Variants in PARD3B observed in about 807,000 individuals in gnomAD.
The protein encoded by PARD3B is partitioning defective 3 homolog B.
In PARD3B, 103 loss-of-function variants were observed where a neutral mutation model predicts 130.2. The observed-to-expected ratio is 0.79, with a 90% confidence interval of 0.67 to 0.93. The LOEUF is 0.93. PARD3B is among the 40% of genes least tolerant of loss of function. The pLI is 0.00. For missense variants in PARD3B, 1,609 were observed against 1,499.2 expected, an observed-to-expected ratio of 1.07 and a Z score of -1.21; for synonymous variants, 583 against 553.2, an observed-to-expected ratio of 1.05 and a Z score of -0.76.
chr2:204,747,673 AACTAT>A (rs2040298293), intron 2 of PARD3B, among the ~76,000 whole-genome samples: 2 of 152,188 alleles, frequency 1.3e-5, no homozygotes, highest in Non-Finnish European at 2.9e-5. Flanking sequence ...CCTGACTTCA[AACTAT>A]ACTACAAGGC....
intron 1 of PARD3B, among the ~76,000 whole-genome samples, chr2:204,644,251 G>A (rs2035194221): frequency 6.6e-6 from 1 of 152,048 alleles, no homozygotes; most frequent in Non-Finnish European, 1.5e-5. Flanking sequence ...TCTCTACATA[G>A]GGACTGAAAG....
chr2:205,306,589 C>T (rs1212312202), intron 18 of PARD3B, among the ~76,000 whole-genome samples: 1 of 152,086 alleles, frequency 6.6e-6, no homozygotes, highest in African/African-American at 2.4e-5. Context: ...TTTATTGTCC[C>T]ATATATTCTG....
chr2:205,552,570 G>A (rs747001141), intron 21 of PARD3B, among the ~76,000 whole-genome samples: 4 of 151,830 alleles, frequency 2.6e-5, no homozygotes, highest in Non-Finnish European at 5.9e-5. Flanking sequence ...CACCACACCC[G>A]GCTAATTTTT....
chr2:204,758,737 A>G (rs2040778571), intron 2 of PARD3B, among the ~76,000 whole-genome samples: 2 of 152,200 alleles, frequency 1.3e-5, no homozygotes, highest in Non-Finnish European at 2.9e-5. Flanking sequence ...CACTGTTAGA[A>G]TGCTTGCTTA....
At chr2:205,361,975 C>T (rs775267721) in intron 18 of PARD3B, among the ~76,000 whole-genome samples, 2 of 148,962 alleles carry the variant, frequency 1.3e-5, no homozygotes, top group Non-Finnish European at 3.0e-5. Flanking sequence ...GTTGGAAAGA[C>T]AAAGAATTGT....
At chr2:204,805,134 G>A (rs1175674644) in intron 2 of PARD3B, among the ~76,000 whole-genome samples, 5 of 151,874 alleles carry the variant, frequency 3.3e-5, no homozygotes, top group African/African-American at 4.8e-5. Context: ...AAAAGACCAA[G>A]GTAACAAAAA....
chr2:204,873,319 C>T (rs563007149), intron 2 of PARD3B, among the ~76,000 whole-genome samples: 11 of 152,242 alleles, frequency 7.2e-5, no homozygotes, highest in East Asian at 1.9e-4. Context: ...TAATATATGG[C>T]GAAAGCTGTT....
At chr2:204,955,137 A>C (rs560525513) in intron 2 of PARD3B, among the ~76,000 whole-genome samples, 1 of 152,356 alleles carries the variant, frequency 6.6e-6, no homozygotes, top group South Asian at 2.1e-4. Context: ...GCTGGATTGC[A>C]GTCATTAGTA....
intron 3 of PARD3B, among the ~76,000 whole-genome samples, chr2:204,981,335 A>G (rs769984526): frequency 9.9e-5 from 15 of 152,220 alleles, no homozygotes; most frequent in Non-Finnish European, 1.6e-4. Context: ...ATCTTTGGTA[A>G]AATAATAAAC....
chr2:205,355,305 A>G (rs2044152246), intron 18 of PARD3B, among the ~76,000 whole-genome samples: 2 of 152,172 alleles, frequency 1.3e-5, no homozygotes, highest in African/African-American at 4.8e-5. Context: ...CCTCCTTTGC[A>G]AGTGATTATT....
At chr2:205,337,010 T>C (rs1279782125) in intron 18 of PARD3B, among the ~76,000 whole-genome samples, 2 of 152,324 alleles carry the variant, frequency 1.3e-5, no homozygotes, top group East Asian at 3.9e-4. Context: ...AACCTAACCT[T>C]TTCTAATGTA....
rs1462259157 is a variant in PARD3B, at chr2:205,160,941, T to A, written c.1620+2034T>A. 2.0e-5 allele frequency among the ~76,000 whole-genome samples: 3 copies of A among 152,174 alleles called. No individual in the cohort carries two copies. The highest frequency in any genetic ancestry group is 4.4e-5 in the Non-Finnish European group (3 of 68,032). ...CTTCCATATGATCCATTCATGTTCC[T>A]AGAGAGCAGGGCCTGTTCGCCTGGA... On this transcript the variant is annotated intron_variant, in intron 11 of 22. Transcript: ENST00000406610. This position sits in a 1 kb window ranked among gnomAD's most constrained non-coding sequence, Gnocchi z 4.0.
rs550451010 is a variant in PARD3B, at chr2:205,240,990, T to A, written c.2141-4788T>A. The stretch of plus-strand genomic sequence containing the variant: ...AGTGCCATCTTTTTCATAGATTTTT[T>A]CCCCTGTATTTTCTTTCTCTCAATT... On this transcript the variant is annotated intron_variant, in intron 15 of 22. Coordinates refer to ENST00000406610, the MANE Select transcript of PARD3B (RefSeq NM_001302769.2). Among the ~76,000 whole-genome samples the A allele has an allele frequency of 9.2e-5, 14 of 152,326 alleles. No homozygotes were observed. The South Asian group carries it at 2.1e-3, about 23-fold the overall frequency.
At chr2:204,798,798 C>A (rs542746844) in intron 2 of PARD3B, among the ~76,000 whole-genome samples, 2 of 152,182 alleles carry the variant, frequency 1.3e-5, no homozygotes, top group African/African-American at 4.8e-5. Flanking sequence ...GAAGGGAACC[C>A]GATGCCTTGA....
intron 15 of PARD3B, among the ~76,000 whole-genome samples, chr2:205,217,131 C>T (rs1044778886): frequency 1.3e-5 from 2 of 152,150 alleles, no homozygotes; most frequent in Admixed American, 6.5e-5. Context: ...TACTCTTATT[C>T]ATTGGCCAGG....
At chr2:205,032,854 A>C (rs1233076262) in intron 3 of PARD3B, among the ~76,000 whole-genome samples, 1 of 152,210 alleles carries the variant, frequency 6.6e-6, no homozygotes, top group Non-Finnish European at 1.5e-5. Flanking sequence ...AAGGTTTCAA[A>C]TGCAACTGAT....
Position 204,943,552 on chromosome 2 carries a change from T to C in PARD3B, c.223-21600T>C, listed in dbSNP as rs1689082266. Among the ~76,000 whole-genome samples the C allele has an allele frequency of 6.6e-6, 1 of 152,154 alleles. No individual in the cohort carries two copies. Among genetic ancestry groups the C allele is most frequent in the South Asian group, 2.1e-4 (1 of 4,824 alleles). Reference sequence around the variant, plus strand: ...TGAGGATCCTGCAAATTGCTCGTAATGGAGGTAAATGGCTTGTGCCATGAG... The same window carrying C: ...TGAGGATCCTGCAAATTGCTCGTAACGGAGGTAAATGGCTTGTGCCATGAG... On this transcript the variant is annotated intron_variant, in intron 2 of 22. Coordinates refer to ENST00000406610, the MANE Select transcript of PARD3B (RefSeq NM_001302769.2). This position sits in a 1 kb window ranked among gnomAD's most constrained non-coding sequence, Gnocchi z 4.2.
chr2:204,982,400 G>A (rs952876102), intron 3 of PARD3B, among the ~76,000 whole-genome samples: 1 of 152,136 alleles, frequency 6.6e-6, no homozygotes, highest in African/African-American at 2.4e-5. Flanking sequence ...CATGGGTGTG[G>A]CCTAGACCAG....
chr2:205,296,776 A>G (rs2041810968), intron 16 of PARD3B, among the ~76,000 whole-genome samples: 1 of 151,790 alleles, frequency 6.6e-6, no homozygotes, highest in East Asian at 1.9e-4. Flanking sequence ...TGTGCAGAAG[A>G]CATGACCCTG....
Sources: gnomAD v4.1 joint callset for allele counts (sites outside exome capture counted in the v4.1 genomes callset) on GRCh38, gnomAD v4.1.1 for gene constraint, Gnocchi (gnomAD v3.1) non-coding constraint, MANE v1.5 for transcripts, NCBI Gene and HGNC (gene_info 2026-07-23, HGNC 2026-07-21) for gene names.